The following COL14A1 variants were observed in gnomAD, a reference collection of about 807,000 sequenced individuals.
The protein encoded by COL14A1 is collagen type XIV alpha 1 chain.
A neutral mutation model predicts 230.3 loss-of-function variants in COL14A1; 136 were observed. That is an observed-to-expected ratio of 0.59 (90% CI 0.51 to 0.68). The LOEUF is 0.68. COL14A1 is among the 30% of genes least tolerant of loss of function. The pLI, the probability that COL14A1 is intolerant of heterozygous loss-of-function variation, is 0.00. For missense variants in COL14A1, 1,976 were observed against 2,215.8 expected, an observed-to-expected ratio of 0.89 and a Z score of 2.17; for synonymous variants, 792 against 784.1, an observed-to-expected ratio of 1.01 and a Z score of -0.17.
intron 45 of COL14A1, among the ~76,000 whole-genome samples, chr8:120,364,815 G>A (rs1343197844): frequency 1.3e-5 from 2 of 151,822 alleles, no homozygotes; most frequent in Non-Finnish European, 2.9e-5. Flanking sequence ...CCCAGGAGGC[G>A]GAGGTTGCAG....
rs752476512 is a variant in COL14A1, at chr8:120,225,070, G to A, written c.1738-18G>A. On this transcript the variant is annotated intron_variant, in intron 14 of 47. Transcript: ENST00000297848. ...TAGCATTAGATAGAGCTGTTATTAT[G>A]ACTTATTTCTTTGACAGGTTGAAGT... 2.5e-6 allele frequency: 4 copies of A among 1,604,478 alleles called. No individual in the cohort carries two copies. The highest frequency in any genetic ancestry group is 2.5e-6 in the Non-Finnish European group (3 of 1,177,178).
chr8:120,235,295 G>A (rs1311396617), intron 19 of COL14A1, among the ~76,000 whole-genome samples: 3 of 151,890 alleles, frequency 2.0e-5, no homozygotes, highest in Admixed American at 6.6e-5. Flanking sequence ...TCAGCCTTCC[G>A]AGTTGCTGGG....
At chr8:120,289,026 G>A (rs1820291144) in intron 33 of COL14A1, among the ~76,000 whole-genome samples, 1 of 152,026 alleles carries the variant, frequency 6.6e-6, no homozygotes, top group African/African-American at 2.4e-5. Flanking sequence ...AAATATCACG[G>A]ACCTCCAGAT....
chr8:120,231,342 A>G, intron 18 of COL14A1, 125 bp from the exon 19 acceptor site: 1 of 1,003,000 alleles, frequency 1.0e-6, no homozygotes, highest in South Asian at 1.7e-5. Flanking sequence ...TTCTTGCCTC[A>G]TATACAACTA....
intron 21 of COL14A1, among the ~76,000 whole-genome samples, chr8:120,249,239 G>A (rs1486405437): frequency 6.6e-6 from 1 of 151,862 alleles, no homozygotes; most frequent in Admixed American, 6.6e-5. Flanking sequence ...TTTCATCTGA[G>A]ATATGGTTCT....
intron 14 of COL14A1, among the ~76,000 whole-genome samples, chr8:120,218,137 AT>A (rs1427918998): frequency 3.0e-5 from 4 of 135,122 alleles, no homozygotes; most frequent in South Asian, 4.3e-4. Context: ...AAAATATATA[AT>A]ATATAAATAT....
intron 2 of COL14A1, among the ~76,000 whole-genome samples, chr8:120,155,393 C>T (rs1398507168): frequency 6.6e-6 from 1 of 152,164 alleles, no homozygotes; most frequent in Admixed American, 6.5e-5. Flanking sequence ...TCATTTTCTA[C>T]TGGAGATTTG....
chr8:120,142,821 G>A (rs1814957021), intron 1 of COL14A1, among the ~76,000 whole-genome samples: 1 of 152,096 alleles, frequency 6.6e-6, no homozygotes, highest in Non-Finnish European at 1.5e-5. Flanking sequence ...ATACTAGACT[G>A]TGATTGGATA....
At chr8:120,172,496 G>C (rs1816126068) in intron 5 of COL14A1, among the ~76,000 whole-genome samples, 1 of 152,088 alleles carries the variant, frequency 6.6e-6, no homozygotes, top group Non-Finnish European at 1.5e-5. Flanking sequence ...TCATTCATGG[G>C]GCTGGTTTCT....
intron 21 of COL14A1, among the ~76,000 whole-genome samples, chr8:120,248,336 GA>G (rs983067128): frequency 3.3e-5 from 5 of 152,074 alleles, no homozygotes; most frequent in African/African-American, 1.2e-4. Context: ...GATACAAGTA[GA>G]AAGCGATCGT....
intron 44 of COL14A1, 48 bp from the exon 45 acceptor site, chr8:120,345,327 C>A: frequency 6.6e-7 from 1 of 1,507,758 alleles, no homozygotes. Context: ...TCCTCTCTTT[C>A]CTTGTGTGAC....
At position 120,371,048 on chromosome 8, in the gene COL14A1, A is replaced by G. The variant is rs1823569284; in HGVS notation, c.5312-104A>G. 10 of 1,110,324 alleles carry G rather than the reference A, an allele frequency of 9.0e-6. No homozygotes were observed. In the South Asian group the frequency reaches 1.4e-4, roughly 15 times the overall value. The allele number at this position is 1,110,324 out of a possible 1,614,324, so 68.8% of individuals were successfully genotyped here. ...TGGATTAAGACATCCACTGCTTTTT[A>G]CCCAGCAGGATATCTCTGTGTCTCT... On this transcript the variant is annotated intron_variant, in intron 47 of 47. Transcript: ENST00000297848.
chr8:120,147,884 A>G lies in COL14A1; in HGVS notation c.42A>G (p.Pro14=). The change falls in exon 2 of 48, where the codon CCA becomes CCG. Residue 14 remains proline (P), a synonymous_variant. Transcript: ENST00000297848. The part of the protein sequence containing the change: ...FQRKMRYWLL[P]PFLAIVYFCT... ...GCAAGATGCGGTACTGGTTGCTTCC[A>G]CCTTTTTTGGCAATTGTTTATTTCT... is the stretch of plus-strand genomic sequence containing the variant. 1 of 1,613,990 alleles carries G rather than the reference A, an allele frequency of 6.2e-7. No individual in the cohort carries two copies. Among genetic ancestry groups the G allele is most frequent in the African/African-American group, 1.3e-5 (1 of 75,046 alleles).
chr8:120,224,570 T>C (rs1563681753), intron 14 of COL14A1, among the ~76,000 whole-genome samples: 1 of 152,222 alleles, frequency 6.6e-6, no homozygotes, highest in African/African-American at 2.4e-5. Flanking sequence ...TTTCATCTTT[T>C]ATATGCCCCA....
In COL14A1 at chr8:120,169,440, T is replaced by G. The variant is rs1282802141; in HGVS notation, c.436+1193T>G. 2.0e-5 allele frequency among the ~76,000 whole-genome samples: 3 copies of G among 152,218 alleles called. No homozygotes were observed. In the East Asian group the frequency reaches 5.8e-4, roughly 29 times the overall value. The stretch of plus-strand genomic sequence containing the variant: ...CCAATTATATATCATTTGTTTAATT[T>G]ACATCTTTTTGATTACTAGTGAGGT... On this transcript the variant is annotated intron_variant, in intron 5 of 47. Coordinates refer to ENST00000297848, the MANE Select transcript of COL14A1 (RefSeq NM_021110.4).
At chr8:120,162,915 A>G (rs939390601) in intron 4 of COL14A1, among the ~76,000 whole-genome samples, 1 of 152,086 alleles carries the variant, frequency 6.6e-6, no homozygotes, top group Non-Finnish European at 1.5e-5. Flanking sequence ...TTGCTTATTT[A>G]CTTCTCTGTG....
chr8:120,349,690 A>T (rs1451178300), intron 45 of COL14A1, among the ~76,000 whole-genome samples: 1 of 131,758 alleles, frequency 7.6e-6, no homozygotes, highest in Non-Finnish European at 1.6e-5. Flanking sequence ...TAGAGAAAAA[A>T]GAATAAAAAG....
In COL14A1 at chr8:120,342,411, C is replaced by G. The variant is rs1822334701; in HGVS notation, c.4853C>G (p.Ser1618Ter). 1 of 1,614,028 alleles carries G rather than the reference C, an allele frequency of 6.2e-7. No homozygotes were observed. Among genetic ancestry groups the G allele is most frequent in the Non-Finnish European group, 8.5e-7 (1 of 1,179,924 alleles). Residue 1618 changes from serine (S) to a stop codon, truncating the protein, a stop_gained, in exon 44 of 48, where the codon TCA (serine) becomes TGA (stop). Transcript: ENST00000297848. LOFTEE classifies it high-confidence loss of function. ...CTGCAGTCTCAAGCCATGGTGAGAT[C>G]AGTGGCGCGTCAAGTATGCGAACAG... ...GDLQSQAMVR[S>*]VARQVCEQLI...
rs754666272 is a variant in COL14A1 at position 120,168,232 on chromosome 8, C to A, written c.421C>A (p.Pro141Thr). 2 of 1,609,546 alleles carry A rather than the reference C, an allele frequency of 1.2e-6. No individual in the cohort carries two copies. The highest frequency in any genetic ancestry group is 1.7e-6 in the Non-Finnish European group (2 of 1,177,430). Reference sequence around the variant, plus strand: ...TGTGGACAGAGGAAATGGGAGTAGACCATCTTCACCAGAAGGTCAGAGACG... The same window carrying A: ...TGTGGACAGAGGAAATGGGAGTAGAACATCTTCACCAGAAGGTCAGAGACG... ...KVVDRGNGSR[P>T]SSPEEVKFVC... The change falls in exon 5 of 48, where the codon CCA becomes ACA. Residue 141 changes from proline to threonine, a missense_variant. This residue lies in a region of COL14A1 where 181 missense variants were observed against 178.6 expected (regional missense o/e 1.01). Transcript: ENST00000297848.
Sources: gnomAD v4.1 joint callset for allele counts (sites outside exome capture counted in the v4.1 genomes callset) on GRCh38, gnomAD v4.1.1 for gene constraint, gnomAD v4.1.1 regional missense constraint, MANE v1.5 for transcripts, NCBI Gene and HGNC (gene_info 2026-07-23, HGNC 2026-07-21) for gene names.